The following TGFBR3 variants were observed in gnomAD, a reference collection of about 807,000 sequenced individuals.
TGFBR3 encodes the protein transforming growth factor beta receptor 3.
TGFBR3 carries 46 observed loss-of-function variants against 87.9 expected under a neutral mutation model. The ratio of observed to expected loss-of-function variants is 0.52; its 90% CI spans 0.41 to 0.67. The LOEUF is 0.67. Ranked by LOEUF, TGFBR3 falls within the 30% of genes least tolerant of loss-of-function variation. The pLI is 0.00. For missense variants in TGFBR3, 866 were observed against 1,041.9 expected (o/e 0.83, Z 2.32); for synonymous variants, 381 against 391.6 (o/e 0.97, Z 0.32).
intron 7 of TGFBR3, among the ~76,000 whole-genome samples, chr1:91,724,273 C>A (rs1440296132): frequency 6.6e-6 from 1 of 152,184 alleles, no homozygotes; most frequent in African/African-American, 2.4e-5. Context: ...AAAATGAGAT[C>A]ATGAAAGATC....
intron 2 of TGFBR3, among the ~76,000 whole-genome samples, chr1:91,832,594 T>C (rs1676889455): frequency 6.6e-6 from 1 of 152,146 alleles, no homozygotes; most frequent in African/African-American, 2.4e-5. Flanking sequence ...AGTCATAAAA[T>C]TATTGAATCA....
chr1:91,840,713 G>A (rs1368844801), intron 2 of TGFBR3, among the ~76,000 whole-genome samples: 2 of 152,128 alleles, frequency 1.3e-5, no homozygotes, highest in African/African-American at 2.4e-5. Flanking sequence ...GGTAATGGAT[G>A]TAAGTTTTCC....
chr1:91,829,842 T>C (rs1315719923), intron 2 of TGFBR3: 1 of 152,194 alleles, frequency 6.6e-6, no homozygotes, highest in African/African-American at 2.4e-5. Flanking sequence ...ATCCCACTAC[T>C]GATCAGGATG....
intron 2 of TGFBR3, among the ~76,000 whole-genome samples, chr1:91,848,207 G>A (rs898459574): frequency 3.3e-5 from 5 of 152,158 alleles, no homozygotes; most frequent in Admixed American, 3.3e-4. Flanking sequence ...CTAGGTGTTT[G>A]CAGTTTCTGT....
At chr1:91,743,563 C>A (rs1447654865) in intron 4 of TGFBR3, among the ~76,000 whole-genome samples, 2 of 152,200 alleles carry the variant, frequency 1.3e-5, no homozygotes, top group Admixed American at 6.5e-5. Context: ...TTCTAAAATG[C>A]CATATAATAT....
intron 3 of TGFBR3, among the ~76,000 whole-genome samples, chr1:91,791,473 T>A (rs1675191403): frequency 6.6e-6 from 1 of 152,078 alleles, no homozygotes; most frequent in African/African-American, 2.4e-5. Flanking sequence ...ACCAACTTAA[T>A]ACTGCCCCAA....
At position 91,680,998 on chromosome 1, in the gene TGFBR3, G is replaced by A; in HGVS notation, c.*2741C>T. ...GCGTATTATACAGACAATCTGCCTT[G>A]GAGTTTGGGGCATTTTAACAACAGC... On this transcript the variant is annotated 3_prime_UTR_variant, in exon 17 of 17. Transcript: ENST00000212355. 1 of 454,096 alleles carries A rather than the reference G, an allele frequency of 2.2e-6. No individual in the cohort carries two copies. Among genetic ancestry groups the A allele is most frequent in the South Asian group, 1.6e-5 (1 of 64,474 alleles). 28.1% of individuals were successfully genotyped at this position (454,096 alleles called of 1,614,324 possible).
chr1:91,743,674 T>C (rs1673233075), intron 4 of TGFBR3, among the ~76,000 whole-genome samples: 2 of 152,246 alleles, frequency 1.3e-5, no homozygotes, highest in African/African-American at 4.8e-5. Context: ...ACAAAAAAGA[T>C]ACTTGTTAAG....
chr1:91,753,282 C>T (rs1571474607), intron 4 of TGFBR3, among the ~76,000 whole-genome samples: 1 of 147,310 alleles, frequency 6.8e-6, no homozygotes, highest in African/African-American at 2.5e-5. Flanking sequence ...CCCAGCTACT[C>T]GGGAGGCTGA....
In TGFBR3 at chr1:91,719,471, C is replaced by T. The variant is rs1410613743; in HGVS notation, c.1414-7G>A. ...TCCCCGAGTAGCCACTGGCCTAAAACAACAACCACCAAAGACATGGTTGGA... is the reference window on the plus strand; with the variant it reads ...TCCCCGAGTAGCCACTGGCCTAAAATAACAACCACCAAAGACATGGTTGGA... On this transcript the variant is annotated splice_polypyrimidine_tract_variant and splice_region_variant and intron_variant, in intron 9 of 16. Transcript: ENST00000212355. The T allele has an allele frequency of 1.5e-5, 24 of 1,613,964 alleles. No homozygotes were observed. Among genetic ancestry groups the T allele is most frequent in the Admixed American group, 5.0e-5 (3 of 60,018 alleles).
upstream of TGFBR3, among the ~76,000 whole-genome samples, chr1:91,887,669 C>T (rs1679363949): frequency 6.6e-6 from 1 of 152,142 alleles, no homozygotes; most frequent in Admixed American, 6.5e-5. Context: ...TCGTCCTCTT[C>T]CTCTTGTACC....
At position 91,870,077 on chromosome 1, in the gene TGFBR3, C is replaced by T. The variant is rs992609189; in HGVS notation, c.-113-8433G>A. On this transcript the variant is annotated intron_variant, in intron 1 of 16. Transcript: ENST00000212355. Reference sequence around the variant, plus strand: ...AAACAGAATATTAATACTACATTAGCTATTTTAATATATAACTTACGTAAA... The same window carrying T: ...AAACAGAATATTAATACTACATTAGTTATTTTAATATATAACTTACGTAAA... Among the ~76,000 whole-genome samples the T allele has an allele frequency of 6.6e-5, 10 of 152,328 alleles. No individual in the cohort carries two copies. The East Asian group carries it at 1.9e-3, about 29-fold the overall frequency.
chr1:91,867,813 CTA>C (rs1678442518), intron 1 of TGFBR3, among the ~76,000 whole-genome samples: 1 of 152,198 alleles, frequency 6.6e-6, no homozygotes, highest in African/African-American at 2.4e-5. Context: ...CATTTAGCCC[CTA>C]CCACGCCCTC....
chr1:91,904,305 T>TA (rs1344587240), intron 1 of TGFBR3, among the ~76,000 whole-genome samples: 17 of 151,922 alleles, frequency 1.1e-4, no homozygotes, highest in Admixed American at 2.6e-4. Flanking sequence ...TTTTTTTTTT[T>TA]TTTTTAGAAA....
intron 9 of TGFBR3, 48 bp downstream of exon 9, chr1:91,719,845 T>G (rs574039533): frequency 3.1e-6 from 5 of 1,589,580 alleles, no homozygotes; most frequent in Non-Finnish European, 4.3e-6. Flanking sequence ...TAGGGCCAGA[T>G]GGGAAAGGAG....
chr1:91,786,520 A>T (rs376847296), intron 3 of TGFBR3, among the ~76,000 whole-genome samples: 17 of 152,104 alleles, frequency 1.1e-4, no homozygotes, highest in East Asian at 9.6e-4. Context: ...GGAGGCTGAG[A>T]TGGATGGATC....
intron 13 of TGFBR3, among the ~76,000 whole-genome samples, chr1:91,709,638 G>A (rs978278429): frequency 7.2e-5 from 11 of 152,250 alleles, no homozygotes; most frequent in African/African-American, 2.2e-4. Flanking sequence ...GAGATTAGCC[G>A]CTTCAAACCT....
At position 91,750,198 on chromosome 1, in the gene TGFBR3, C is replaced by A. The variant is rs542526471; in HGVS notation, c.384+8415G>T. ...ACCCTCCTGGACAGTAGGTCTTCCT[C>A]AGGAAAAATACACCCAGGCAAATCT... On this transcript the variant is annotated intron_variant, in intron 4 of 16. Coordinates refer to ENST00000212355, the MANE Select transcript of TGFBR3 (RefSeq NM_003243.5). 9.2e-5 allele frequency among the ~76,000 whole-genome samples: 14 copies of A among 152,312 alleles called. No individual in the cohort carries two copies. The South Asian group carries it at 2.9e-3, about 32-fold the overall frequency.
chr1:91,777,926 C>T (rs576864651), intron 3 of TGFBR3, among the ~76,000 whole-genome samples: 1 of 152,204 alleles, frequency 6.6e-6, no homozygotes, highest in East Asian at 1.9e-4. Flanking sequence ...GGCCTCCACT[C>T]AACAAACTGA....
Sources: allele counts gnomAD v4.1 joint callset (sites outside exome capture counted in the v4.1 genomes callset), GRCh38; gene constraint gnomAD v4.1.1; transcripts MANE v1.5; gene names NCBI Gene and HGNC (gene_info 2026-07-23, HGNC 2026-07-21).